RBFOX1: variants seen among roughly 807,000 people sequenced by gnomAD.
The protein encoded by RBFOX1 is RNA binding protein fox-1 homolog 1.
Under a neutral mutation model 57.7 loss-of-function variants are expected in RBFOX1, and 8 were observed. The ratio of observed to expected loss-of-function variants is 0.14; its 90% confidence interval spans 0.08 to 0.25. The LOEUF (loss-of-function observed/expected upper bound fraction) is 0.25, where lower values mean the gene tolerates loss of function less well. Ranked by LOEUF, RBFOX1 falls within the 10% of genes least tolerant of loss-of-function variation. The pLI is 1.00. For synonymous variants in RBFOX1, 326 were observed against 222.4 expected (o/e 1.47, Z -4.15); for missense variants, 611 against 548.5 (o/e 1.11, Z -1.14).
chr16:6,111,712 G>A (rs1327067728), intron 1 of RBFOX1, among the ~76,000 whole-genome samples: 1 of 152,164 alleles, frequency 6.6e-6, no homozygotes, highest in Non-Finnish European at 1.5e-5. Flanking sequence ...GCAAAATGCA[G>A]CATGATTTGG....
rs1431812450 is a variant in RBFOX1, at chr16:7,509,473, T to A, written c.28-8674T>A. On this transcript the variant is annotated intron_variant, in intron 4 of 15. Coordinates refer to ENST00000550418, the MANE Select transcript of RBFOX1 (RefSeq NM_018723.4). ...GTGTGGTTTTTGGTGATGTGATTTT[T>A]AATTAGATCCTTACAATAATATGGT... 2.6e-5 allele frequency among the ~76,000 whole-genome samples: 4 copies of A among 151,876 alleles called. No individual in the cohort carries two copies. The East Asian group carries it at 7.7e-4, about 29-fold the overall frequency.
At chr16:7,491,648 T>G (rs1401131340) in intron 4 of RBFOX1, among the ~76,000 whole-genome samples, 2 of 152,056 alleles carry the variant, frequency 1.3e-5, no homozygotes, top group Non-Finnish European at 2.9e-5. Flanking sequence ...CTATTTTATT[T>G]GAAACAGGGT....
At chr16:7,140,668 A>T (rs1470205415) in intron 4 of RBFOX1, among the ~76,000 whole-genome samples, 2 of 152,166 alleles carry the variant, frequency 1.3e-5, no homozygotes, top group Non-Finnish European at 2.9e-5. Flanking sequence ...CCTGTGTGAA[A>T]CGCTGAAAGC....
intron 1 of RBFOX1, among the ~76,000 whole-genome samples, chr16:6,027,985 A>T (rs2095228506): frequency 6.6e-6 from 1 of 152,170 alleles, no homozygotes; most frequent in African/African-American, 2.4e-5. Context: ...TAGACTCGTT[A>T]TGAAAAGTGA....
At position 7,227,285 on chromosome 16, in the gene RBFOX1, A is replaced by ACCCCCCCCCC. The variant is rs1284183490; in HGVS notation, c.27+175191_27+175192insCCCCCCCCCC. Among the ~76,000 whole-genome samples the ACCCCCCCCCC allele has an allele frequency of 7.4e-4, 54 of 73,262 alleles. 1 individual carries two copies. Among genetic ancestry groups the ACCCCCCCCCC allele is most frequent in the East Asian group, 2.5e-3 (3 of 1,188 alleles). 48.1% of individuals were successfully genotyped at this position (73,262 alleles called of 152,430 possible). A position where few individuals can be genotyped will look rare whatever the true frequency, so the allele number is the denominator to read the frequency against. Reference sequence around the variant, plus strand: ...CACTGTCACATACCACACACACCCCACCCCACCCCCACACACACACACAGC... The same window carrying ACCCCCCCCCC: ...CACTGTCACATACCACACACACCCCACCCCCCCCCCCCCCACCCCCACACACACACACAGC... On this transcript the variant is annotated intron_variant, in intron 4 of 15. Transcript: ENST00000550418.
At chr16:6,404,567 A>C (rs1025523513) in intron 2 of RBFOX1, among the ~76,000 whole-genome samples, 2 of 152,182 alleles carry the variant, frequency 1.3e-5, no homozygotes, top group African/African-American at 2.4e-5. Flanking sequence ...GTGAGTTATT[A>C]GTTTTTGATC....
At chr16:7,379,224 C>T (rs1018591992) in intron 4 of RBFOX1, among the ~76,000 whole-genome samples, 9 of 152,234 alleles carry the variant, frequency 5.9e-5, no homozygotes, top group Middle Eastern at 3.4e-3. Context: ...GACTGAATGA[C>T]GTTTAGCTTT....
chr16:7,412,068 T>C (rs1167485635), intron 4 of RBFOX1, among the ~76,000 whole-genome samples: 1 of 152,074 alleles, frequency 6.6e-6, no homozygotes, highest in African/African-American at 2.4e-5. Context: ...GTATAGGCTG[T>C]AGTTAATCGT....
At chr16:7,465,345 G>A (rs536022199) in intron 4 of RBFOX1, among the ~76,000 whole-genome samples, 6 of 152,332 alleles carry the variant, frequency 3.9e-5, no homozygotes, top group African/African-American at 9.6e-5. Context: ...CTACAAATCT[G>A]TAGGCGCCAT....
intron 4 of RBFOX1, among the ~76,000 whole-genome samples, chr16:7,072,198 C>G (rs1354157768): frequency 6.6e-6 from 1 of 152,160 alleles, no homozygotes; most frequent in Admixed American, 6.6e-5. Flanking sequence ...CCCAGAAAGT[C>G]CTGGTTTGGA....
At chr16:6,846,920 C>CA (rs75672845) in intron 3 of RBFOX1, among the ~76,000 whole-genome samples, 21,610 of 142,518 alleles carry the variant, frequency 0.15, 3,905 homozygotes, top group African/African-American at 0.44. Flanking sequence ...CCCTAGGAAA[C>CA]AAAAAAAAAA....
intron 3 of RBFOX1, among the ~76,000 whole-genome samples, chr16:5,636,974 T>C (rs1016813979): frequency 6.6e-6 from 1 of 152,224 alleles, no homozygotes; most frequent in African/African-American, 2.4e-5. Flanking sequence ...CTAATCCATA[T>C]GCATTTGTTC....
chr16:5,608,254 C>A (rs1013635015), intron 3 of RBFOX1, among the ~76,000 whole-genome samples: 2 of 152,186 alleles, frequency 1.3e-5, no homozygotes, highest in Non-Finnish European at 2.9e-5. Flanking sequence ...CTTTGAGTCT[C>A]AGCTGACTGG....
intron 1 of RBFOX1, among the ~76,000 whole-genome samples, chr16:5,410,419 C>G (rs1256098656): frequency 6.6e-6 from 1 of 151,978 alleles, no homozygotes; most frequent in Non-Finnish European, 1.5e-5. Context: ...TCTTGTTGAC[C>G]AGGGAAAGGT....
At chr16:6,487,194 G>A (rs186890612) in intron 2 of RBFOX1, among the ~76,000 whole-genome samples, 128 of 148,156 alleles carry the variant, frequency 8.6e-4, no homozygotes, top group African/African-American at 3.1e-3. Flanking sequence ...CCAAAAGGCC[G>A]AAACAGCTTA....
chr16:7,374,123 A>C (rs896071278), intron 4 of RBFOX1, among the ~76,000 whole-genome samples: 3 of 152,170 alleles, frequency 2.0e-5, no homozygotes, highest in African/African-American at 7.2e-5. Context: ...ACGAAGGGCC[A>C]CCAATAGGTA....
chr16:7,020,324 C>G (rs368738424), intron 3 of RBFOX1, among the ~76,000 whole-genome samples: 1 of 152,072 alleles, frequency 6.6e-6, no homozygotes. Context: ...CCGCCAGGTT[C>G]AAGTGATTCT....
intron 4 of RBFOX1, among the ~76,000 whole-genome samples, chr16:7,504,835 T>A (rs1367738129): frequency 1.5e-5 from 2 of 132,392 alleles, no homozygotes; most frequent in African/African-American, 3.3e-5. Flanking sequence ...TAACATTGTC[T>A]GATACTTAGA....
At chr16:7,281,290 A>C (rs1272477514) in intron 4 of RBFOX1, among the ~76,000 whole-genome samples, 1 of 151,666 alleles carries the variant, frequency 6.6e-6, no homozygotes, top group South Asian at 2.1e-4. Context: ...GGCGTGAGCC[A>C]CCGTGCCCAG....
Sources: allele counts gnomAD v4.1 joint callset (sites outside exome capture counted in the v4.1 genomes callset), GRCh38; gene constraint gnomAD v4.1.1; transcripts MANE v1.5; gene names NCBI Gene and HGNC (gene_info 2026-07-23, HGNC 2026-07-21).